SDK1: variants seen among roughly 807,000 people sequenced by gnomAD.
The protein encoded by SDK1 is protein sidekick-1.
In SDK1, 157 loss-of-function variants were observed where a neutral mutation model predicts 245.5. That is an observed-to-expected ratio of 0.64 (90% CI 0.56 to 0.73). The LOEUF (loss-of-function observed/expected upper bound fraction) is 0.73, where lower values mean the gene tolerates loss of function less well. Among genes scored for constraint, SDK1 ranks in the 30% least tolerant of loss-of-function variants. SDK1 has a pLI of 0.00. For missense variants in SDK1, 3,583 were observed against 3,002.3 expected (o/e 1.19, Z -4.52); for synonymous variants, 1,647 against 1,278.5 (o/e 1.29, Z -6.15).
At chr7:3,526,698 C>A (rs980277490) in intron 1 of SDK1, among the ~76,000 whole-genome samples, 4 of 152,020 alleles carry the variant, frequency 2.6e-5, no homozygotes, top group African/African-American at 9.7e-5. Context: ...TTCTTCATGC[C>A]ATCAATCTGT....
intron 22 of SDK1, among the ~76,000 whole-genome samples, chr7:4,102,152 G>A (rs1010861138): frequency 7.9e-5 from 12 of 152,272 alleles, no homozygotes; most frequent in Admixed American, 3.9e-4. Context: ...GTCCCCTGCC[G>A]GCTTATGAGG....
intron 4 of SDK1, among the ~76,000 whole-genome samples, chr7:3,709,027 A>G (rs1269190753): frequency 1.3e-5 from 2 of 152,172 alleles, no homozygotes; most frequent in Non-Finnish European, 1.5e-5. Context: ...TTATTGTTTT[A>G]TAGGCCCTGT....
chr7:3,950,593 G>A (rs1209965374), intron 5 of SDK1, among the ~76,000 whole-genome samples: 1 of 152,192 alleles, frequency 6.6e-6, no homozygotes, highest in Non-Finnish European at 1.5e-5. Flanking sequence ...TGCAGAGGGA[G>A]AAAGTTTGAA....
rs143084407 is a variant in SDK1, at chr7:3,670,160, C to G, written c.713+28055C>G. ...TTTATTTTGTCTTCTCTCTCCATTCCCCATGCTGTGGTCAGAATGATATAT... is the reference window on the plus strand; with the variant it reads ...TTTATTTTGTCTTCTCTCTCCATTCGCCATGCTGTGGTCAGAATGATATAT... On this transcript the variant is annotated intron_variant, in intron 4 of 44. Transcript: ENST00000404826. Among the ~76,000 whole-genome samples, 247 of 152,266 alleles carry G rather than the reference C, an allele frequency of 1.6e-3. 2 individuals are homozygous for G. Among genetic ancestry groups the G allele is most frequent in the African/African-American group, 5.7e-3 (236 of 41,552 alleles).
chr7:3,355,904 C>T (rs1003980170), intron 1 of SDK1, among the ~76,000 whole-genome samples: 8 of 152,106 alleles, frequency 5.3e-5, no homozygotes, highest in African/African-American at 1.4e-4. Flanking sequence ...GCTGTTTGTT[C>T]TTTTTATTCT....
intron 29 of SDK1, among the ~76,000 whole-genome samples, chr7:4,147,004 G>A (rs1353411633): frequency 2.0e-5 from 3 of 152,140 alleles, no homozygotes; most frequent in South Asian, 4.1e-4. Context: ...GCATGTCCTC[G>A]GGCCTTGCAG....
rs1784685809 is a variant in SDK1, at chr7:4,129,949, C to T, written c.3981C>T (p.Ser1327=). Reference sequence around the variant, plus strand: ...AAGACCTGGATCCCGAGCCCAGGAGCCACATCGTGCGAGGGAACCACACGC... The same window carrying T: ...AAGACCTGGATCCCGAGCCCAGGAGTCACATCGTGCGAGGGAACCACACGC... ...RAKDLDPEPR[S]HIVRGNHTQS... is the part of the protein sequence containing the mutation. The change falls in exon 27 of 45, where the codon AGC becomes AGT. Residue 1327 remains serine, a synonymous_variant. Transcript: ENST00000404826. 9.3e-6 allele frequency: 15 copies of T among 1,613,780 alleles called. No individual in the cohort carries two copies. The highest frequency in any genetic ancestry group is 1.2e-5 in the Non-Finnish European group (14 of 1,179,918).
intron 4 of SDK1, among the ~76,000 whole-genome samples, chr7:3,758,835 G>C (rs1194467664): frequency 6.6e-6 from 1 of 152,130 alleles, no homozygotes; most frequent in Non-Finnish European, 1.5e-5. Context: ...TAGGAAACAG[G>C]TATATGTATT....
At chr7:4,010,859 TC>T in intron 14 of SDK1, 106 bp from the exon 15 acceptor site, 1 of 1,159,680 alleles carries the variant, frequency 8.6e-7, no homozygotes, top group Non-Finnish European at 1.2e-6. Context: ...CCTAGAGCTG[TC>T]CTGCTAAGCA....
chr7:3,564,350 A>T (rs193045184), intron 1 of SDK1, among the ~76,000 whole-genome samples: 2 of 152,158 alleles, frequency 1.3e-5, no homozygotes, highest in Admixed American at 6.5e-5. Flanking sequence ...AAAATACAGG[A>T]CAATGCTGGC....
chr7:3,804,780 G>T (rs1225498083), intron 4 of SDK1, among the ~76,000 whole-genome samples: 1 of 152,126 alleles, frequency 6.6e-6, no homozygotes, highest in Non-Finnish European at 1.5e-5. Context: ...GTACGTATTT[G>T]CTAGGTTCTC....
chr7:3,677,147 C>T (rs1375007482), intron 4 of SDK1, among the ~76,000 whole-genome samples: 1 of 152,138 alleles, frequency 6.6e-6, no homozygotes, highest in Admixed American at 6.6e-5. Context: ...TACTTAAACC[C>T]TTGGAATTTC....
At chr7:3,372,698 C>A (rs372305307) in intron 1 of SDK1, among the ~76,000 whole-genome samples, 3 of 152,158 alleles carry the variant, frequency 2.0e-5, no homozygotes, top group Admixed American at 1.3e-4. Context: ...TTGTTACTTG[C>A]AGCTGACTAC....
Position 3,619,163 on chromosome 7 carries a change from G to A in SDK1, c.382G>A (p.Ala128Thr), listed in dbSNP as rs1250017582. 2.5e-6 allele frequency: 4 copies of A among 1,613,984 alleles called. No homozygotes were observed. In the East Asian group the frequency reaches 6.7e-5, roughly 27 times the overall value. ...GAACCGCCTTGTTCTCACCTGCCTT[G>A]CCGAAGGGAGCTGGCCTTTGGAGTT... Reference protein sequence around the residue: ...EGNRLVLTCLAEGSWPLEFKW... With the variant: ...EGNRLVLTCLTEGSWPLEFKW... The change falls in exon 2 of 45, where the codon GCC (alanine) becomes ACC (threonine). Residue 128 changes from alanine (A) to threonine (T), a missense_variant. Coordinates refer to ENST00000404826, the MANE Select transcript of SDK1 (RefSeq NM_152744.4).
chr7:3,389,762 A>G (rs1192353553), intron 1 of SDK1, among the ~76,000 whole-genome samples: 1 of 150,764 alleles, frequency 6.6e-6, no homozygotes, highest in Non-Finnish European at 1.5e-5. Flanking sequence ...AATAAACAAA[A>G]ACAAAAAACT....
intron 1 of SDK1, among the ~76,000 whole-genome samples, chr7:3,313,015 C>T (rs1415622335): frequency 6.6e-6 from 1 of 152,152 alleles, no homozygotes; most frequent in Non-Finnish European, 1.5e-5. Flanking sequence ...GCATTTTGTT[C>T]ATAGCAGAAG....
chr7:3,654,931 C>A (rs1271040395), intron 4 of SDK1, among the ~76,000 whole-genome samples: 4 of 151,976 alleles, frequency 2.6e-5, no homozygotes, highest in African/African-American at 9.7e-5. Flanking sequence ...CACATAATTG[C>A]AGTTCACCAA....
intron 5 of SDK1, among the ~76,000 whole-genome samples, chr7:3,888,310 C>G (rs1296910443): frequency 6.6e-6 from 1 of 152,162 alleles, no homozygotes; most frequent in East Asian, 1.9e-4. Context: ...ATCATATTGT[C>G]CCATCCCACA....
In SDK1 at chr7:3,821,465, G is replaced by A. The variant is rs1779643896; in HGVS notation, c.729G>A (p.Glu243=). The change falls in exon 5 of 45, where the codon GAG becomes GAA. Residue 243 remains glutamate (E), a synonymous_variant. Coordinates refer to ENST00000404826, the MANE Select transcript of SDK1 (RefSeq NM_152744.4). ...IPSNRIAITL[E]NQLVILATTT... is the part of the protein sequence containing the mutation. The stretch of plus-strand genomic sequence containing the variant: ...TCTGAAACAGAGCCATCACATTGGA[G>A]AATCAGCTGGTGATCCTCGCCACCA... 1 of 1,613,390 alleles carries A rather than the reference G, an allele frequency of 6.2e-7. No individual in the cohort carries two copies. Among genetic ancestry groups the A allele is most frequent in the East Asian group, 2.2e-5 (1 of 44,802 alleles).
Sources: allele counts gnomAD v4.1 joint callset (sites outside exome capture counted in the v4.1 genomes callset), GRCh38; gene constraint gnomAD v4.1.1; transcripts MANE v1.5; gene names NCBI Gene and HGNC (gene_info 2026-07-23, HGNC 2026-07-21).